Variants in ARHGEF37 observed in about 807,000 individuals in gnomAD.
ARHGEF37 encodes the protein Rho guanine nucleotide exchange factor 37.
A neutral mutation model predicts 71.1 loss-of-function variants in ARHGEF37; 55 were observed. The ratio of observed to expected loss-of-function variants is 0.77; its 90% CI spans 0.62 to 0.97. The LOEUF (loss-of-function observed/expected upper bound fraction) is 0.97. Among genes scored for constraint, ARHGEF37 ranks in the 50% least tolerant of loss-of-function variants. The pLI is 0.00. For synonymous variants in ARHGEF37, 327 were observed against 350.6 expected, an observed-to-expected ratio of 0.93 and a Z score of 0.75; for missense variants, 765 against 836.8, an observed-to-expected ratio of 0.91 and a Z score of 1.06.
intron 4 of ARHGEF37, among the ~76,000 whole-genome samples, chr5:149,615,401 T>A (rs1752347771): frequency 6.6e-6 from 1 of 151,930 alleles, no homozygotes; most frequent in Non-Finnish European, 1.5e-5. Context: ...CTTTTTTTCA[T>A]AAAAAGTTTC....
chr5:149,611,086 C>T (rs772175179), intron 4 of ARHGEF37, among the ~76,000 whole-genome samples: 19 of 152,184 alleles, frequency 1.2e-4, no homozygotes, highest in Non-Finnish European at 2.4e-4. Context: ...CTCCTCTTCC[C>T]GCCTGCTAGC....
intron 4 of ARHGEF37, among the ~76,000 whole-genome samples, chr5:149,611,800 C>G (rs1752185621): frequency 6.6e-6 from 1 of 152,140 alleles, no homozygotes; most frequent in African/African-American, 2.4e-5. Context: ...GTGCCATGCT[C>G]CCTTGTTATA....
At chr5:149,578,913 A>C (rs1327615827), upstream of ARHGEF37, among the ~76,000 whole-genome samples, 1 of 152,204 alleles carries the variant, frequency 6.6e-6, no homozygotes, top group East Asian at 1.9e-4. Context: ...AAGATGGTGG[A>C]ATTAGTGGCA....
At chr5:149,612,941 A>G (rs962674597) in intron 4 of ARHGEF37, among the ~76,000 whole-genome samples, 3 of 152,212 alleles carry the variant, frequency 2.0e-5, no homozygotes, top group Non-Finnish European at 2.9e-5. Context: ...AACTCTTCCC[A>G]TCTGAGAGCC....
intron 1 of ARHGEF37, among the ~76,000 whole-genome samples, chr5:149,566,575 C>T (rs1762903371): frequency 6.8e-6 from 1 of 147,202 alleles, no homozygotes; most frequent in Non-Finnish European, 1.5e-5. Flanking sequence ...TTGGGGGTAT[C>T]GTTATCACCC....
chr5:149,619,004 C>A lies in ARHGEF37; in HGVS notation c.856C>A (p.Leu286Met), dbSNP rs765961852. 2 of 1,614,162 alleles carry A rather than the reference C, an allele frequency of 1.2e-6. No homozygotes were observed. Among genetic ancestry groups the A allele is most frequent in the Non-Finnish European group, 1.7e-6 (2 of 1,180,030 alleles). The change falls in exon 7 of 13, where the codon CTG becomes ATG. Residue 286 changes from leucine (L) to methionine (M), a missense_variant. By Grantham distance (15) the Leu-to-Met change is conservative (BLOSUM62 2). This residue lies in a region of ARHGEF37 where 167 missense variants were observed against 173.3 expected (regional missense o/e 0.96). Transcript: ENST00000333677. ...FQWVSLCVTE[L>M]KNNVAAYLDN... ...GTGGGTGTCTCTGTGTGTGACTGAG[C>A]TGAAGAACAACGTGGCTGCTTACCT...
chr5:149,552,266 GA>G (rs1366134389), intron 1 of ARHGEF37: 1 of 134,018 alleles, frequency 7.5e-6, no homozygotes, highest in Non-Finnish European at 1.6e-5. Context: ...TGGTCTTGTT[GA>G]AAACCTCAGT....
intron 1 of ARHGEF37, among the ~76,000 whole-genome samples, chr5:149,552,828 CA>C (rs1047343777): frequency 7.6e-5 from 11 of 145,364 alleles, no homozygotes; most frequent in East Asian, 2.0e-4. Flanking sequence ...GACCCTGTCT[CA>C]AAAAAAAAAT....
chr5:149,615,371 C>G (rs1391240642), intron 4 of ARHGEF37, among the ~76,000 whole-genome samples: 1 of 151,034 alleles, frequency 6.6e-6, no homozygotes, highest in Non-Finnish European at 1.5e-5. Context: ...CTCCTGGCCT[C>G]AAGCAATCAT....
chr5:149,563,089 C>T (rs1433785428), intron 1 of ARHGEF37, among the ~76,000 whole-genome samples: 1 of 152,168 alleles, frequency 6.6e-6, no homozygotes, highest in Non-Finnish European at 1.5e-5. Flanking sequence ...CCCAGCAGTT[C>T]CTGGTGTGCT....
intron 1 of ARHGEF37, among the ~76,000 whole-genome samples, chr5:149,572,927 T>A (rs74776845): frequency 0.099 from 15,055 of 151,936 alleles, 799 homozygotes; most frequent in Middle Eastern, 0.15. Flanking sequence ...TAATTTATTT[T>A]AAAAAAAAAT....
In ARHGEF37 at chr5:149,632,127, T is replaced by C; in HGVS notation, c.1964T>C (p.Val655Ala). 1 of 1,614,272 alleles carries C rather than the reference T, an allele frequency of 6.2e-7. No homozygotes were observed. Among genetic ancestry groups the C allele is most frequent in the Non-Finnish European group, 8.5e-7 (1 of 1,180,052 alleles). Residue 655 changes from valine to alanine, a missense_variant, in exon 13 of 13, where the codon GTG becomes GCG. Val to Ala is a moderately conservative substitution (Grantham distance 64). This residue lies in a region of ARHGEF37 where 390 missense variants were observed against 407.4 expected (regional missense o/e 0.96). Coordinates refer to ENST00000333677, the MANE Select transcript of ARHGEF37 (RefSeq NM_001001669.3). Reference protein sequence around the residue: ...LVEVNGQRGYVPSGFLARARS... With the variant: ...LVEVNGQRGYAPSGFLARARS... ...GAAGTGAATGGACAGAGGGGTTATG[T>C]GCCTTCTGGCTTCTTGGCCAGGGCT...
chr5:149,551,971 C>T (rs1762678917), exon 1 of ARHGEF37: 1 of 152,060 alleles, frequency 6.6e-6, no homozygotes, highest in Admixed American at 6.6e-5. Context: ...TAGCTAATTA[C>T]CCTTCATAAT....
chr5:149,601,467 G>A (rs1321918602), intron 3 of ARHGEF37, among the ~76,000 whole-genome samples: 1 of 152,174 alleles, frequency 6.6e-6, no homozygotes, highest in Non-Finnish European at 1.5e-5. Flanking sequence ...CATGCTTACA[G>A]TCACGGAATT....
Position 149,632,407 on chromosome 5 carries a change from A to G in ARHGEF37, c.*216A>G. 1.7e-6 allele frequency: 1 copy of G among 582,482 alleles called. No individual in the cohort carries two copies. Among genetic ancestry groups the G allele is most frequent in the South Asian group, 2.1e-5 (1 of 47,060 alleles). The allele number at this position is 582,482 out of a possible 1,614,324, so 36.1% of individuals were successfully genotyped here. A position where few individuals can be genotyped will look rare whatever the true frequency, so the allele number is the denominator to read the frequency against. ...GAGGCTCCAGCCAGGACTGCTCATT[A>G]TGTCTGCATAAAGAACTCATTCCGA... On this transcript the variant is annotated 3_prime_UTR_variant, in exon 13 of 13. Coordinates refer to ENST00000333677, the MANE Select transcript of ARHGEF37 (RefSeq NM_001001669.3).
intron 7 of ARHGEF37, 62 bp downstream of exon 7, chr5:149,619,104 T>G: frequency 7.2e-7 from 1 of 1,386,048 alleles, no homozygotes; most frequent in Non-Finnish European, 1.0e-6. Context: ...GCAGGAGGCT[T>G]GCAGGGCCCA....
At chr5:149,614,434 A>G (rs1159597152) in intron 4 of ARHGEF37, among the ~76,000 whole-genome samples, 1 of 152,132 alleles carries the variant, frequency 6.6e-6, no homozygotes, top group Non-Finnish European at 1.5e-5. Flanking sequence ...GCTGCATAAA[A>G]AAGTATTGTC....
rs542866476 is a variant in ARHGEF37 at position 149,584,286 on chromosome 5, G to A, written c.-12+2662G>A. Among the ~76,000 whole-genome samples, 25 of 152,270 alleles carry A rather than the reference G, an allele frequency of 1.6e-4. 3 individuals carry two copies. In the South Asian group the frequency reaches 5.2e-3, roughly 32 times the overall value. On this transcript the variant is annotated intron_variant, in intron 1 of 12. Transcript: ENST00000333677. ...GGGGAAATATGGCTAAGGACAAACAGCTGCTGTTTGATTTGGGTTAAGACA... is the reference window on the plus strand; with the variant it reads ...GGGGAAATATGGCTAAGGACAAACAACTGCTGTTTGATTTGGGTTAAGACA...
In ARHGEF37 at chr5:149,620,437, C is replaced by A; in HGVS notation, c.978C>A (p.Asp326Glu). 6.2e-7 allele frequency: 1 copy of A among 1,611,786 alleles called. No individual in the cohort carries two copies. Among genetic ancestry groups the A allele is most frequent in the Non-Finnish European group, 8.5e-7 (1 of 1,179,060 alleles). ...TGCAGTATTGCAATTTGGCAAGAGACCTTCACCTTGAGGCCTTCCTGAAAT... is the reference window on the plus strand; with the variant it reads ...TGCAGTATTGCAATTTGGCAAGAGAACTTCACCTTGAGGCCTTCCTGAAAT... The part of the protein sequence containing the change: ...PAVQYCNLAR[D>E]LHLEAFLKFK... The change falls in exon 8 of 13, where the codon GAC (aspartate) becomes GAA (glutamate). Residue 326 changes from aspartate to glutamate, a missense_variant. Around this residue, in one of 5 missense-constraint regions of ARHGEF37, gnomAD observed 167 missense variants for 173.3 expected, o/e 0.96. Coordinates refer to ENST00000333677, the MANE Select transcript of ARHGEF37 (RefSeq NM_001001669.3).
Sources: gnomAD v4.1 joint callset for allele counts (sites outside exome capture counted in the v4.1 genomes callset) on GRCh38, gnomAD v4.1.1 for gene constraint, gnomAD v4.1.1 regional missense constraint, MANE v1.5 for transcripts, NCBI Gene and HGNC (gene_info 2026-07-23, HGNC 2026-07-21) for gene names.